KCNMA1: variants seen among roughly 807,000 people sequenced by gnomAD.
KCNMA1 encodes Calcium-activated potassium channel subunit alpha-1.
In KCNMA1, 29 loss-of-function variants were observed where a neutral mutation model predicts 140.0. The ratio of observed to expected loss-of-function variants is 0.21; its 90% confidence interval spans 0.15 to 0.28. KCNMA1 has a LOEUF of 0.28. Ranked by LOEUF, KCNMA1 falls within the 10% of genes least tolerant of loss-of-function variation. The pLI, the probability that KCNMA1 is intolerant of heterozygous loss-of-function variation, is 1.00. For missense variants in KCNMA1, 880 were observed against 1,602.2 expected, an observed-to-expected ratio of 0.55 and a Z score of 7.70; for synonymous variants, 612 against 611.9, an observed-to-expected ratio of 1.00 and a Z score of 0.00.
intron 1 of KCNMA1, among the ~76,000 whole-genome samples, chr10:77,420,110 G>A (rs2096835806): frequency 6.6e-6 from 1 of 152,248 alleles, no homozygotes; most frequent in African/African-American, 2.4e-5. Flanking sequence ...CAGTGAAAGA[G>A]TGGGTCTTCT....
chr10:76,966,001 T>G (rs1313379175), intron 20 of KCNMA1, among the ~76,000 whole-genome samples: 1 of 152,198 alleles, frequency 6.6e-6, no homozygotes, highest in African/African-American at 2.4e-5. Context: ...TTCTGTGTTT[T>G]TATGTGCTTG....
At chr10:76,933,559 C>T (rs1398941907) in intron 23 of KCNMA1, among the ~76,000 whole-genome samples, 3 of 152,234 alleles carry the variant, frequency 2.0e-5, no homozygotes, top group Admixed American at 6.5e-5. Flanking sequence ...CCTTCTGTTA[C>T]TCAGCTTCAG....
At chr10:77,356,944 T>A (rs953571851) in intron 2 of KCNMA1, among the ~76,000 whole-genome samples, 2 of 152,204 alleles carry the variant, frequency 1.3e-5, no homozygotes, top group African/African-American at 4.8e-5. Context: ...TGTATGTCTA[T>A]ATATAAAAGA....
At chr10:76,953,312 C>G (rs2066979272) in intron 21 of KCNMA1, among the ~76,000 whole-genome samples, 1 of 152,216 alleles carries the variant, frequency 6.6e-6, no homozygotes, top group African/African-American at 2.4e-5. Context: ...CAGCTTTCCT[C>G]ACAGCATTTA....
At chr10:77,148,197 A>G (rs988587935) in intron 5 of KCNMA1, 3 of 152,174 alleles carry the variant, frequency 2.0e-5, no homozygotes, top group Non-Finnish European at 4.4e-5. Context: ...GAGAGAAACA[A>G]CTAGGTTATG....
chr10:77,016,106 A>C (rs1293063650), intron 17 of KCNMA1, among the ~76,000 whole-genome samples: 1 of 152,004 alleles, frequency 6.6e-6, no homozygotes, highest in African/African-American at 2.4e-5. Context: ...CACTCTCCCC[A>C]AATCTATTCC....
In KCNMA1 at chr10:76,963,054, A is replaced by G. The variant is rs535451595; in HGVS notation, c.2360+6920T>C. Among the ~76,000 whole-genome samples, 9 of 152,336 alleles carry G rather than the reference A, an allele frequency of 5.9e-5. No homozygotes were observed. The South Asian group carries it at 1.9e-3, about 32-fold the overall frequency. On this transcript the variant is annotated intron_variant, in intron 20 of 27. Transcript: ENST00000286628. Reference sequence around the variant, plus strand: ...CCTAAATTATGTCTCTAACCAGTCAAGGCTGCCTGAAGTTCGCCTGGAGCC... The same window carrying G: ...CCTAAATTATGTCTCTAACCAGTCAGGGCTGCCTGAAGTTCGCCTGGAGCC...
intron 2 of KCNMA1, among the ~76,000 whole-genome samples, chr10:77,332,273 A>G (rs1438209606): frequency 1.3e-5 from 2 of 152,200 alleles, no homozygotes; most frequent in African/African-American, 4.8e-5. Context: ...GCTCTGAGTT[A>G]AGGAAACATT....
intron 1 of KCNMA1, among the ~76,000 whole-genome samples, chr10:77,406,616 C>T (rs1425383130): frequency 2.0e-5 from 3 of 152,110 alleles, no homozygotes; most frequent in Non-Finnish European, 4.4e-5. Context: ...CCTGACTACC[C>T]TAGTATGGCT....
intron 1 of KCNMA1, among the ~76,000 whole-genome samples, chr10:77,485,202 G>A (rs2098446643): frequency 6.6e-6 from 1 of 152,192 alleles, no homozygotes; most frequent in African/African-American, 2.4e-5. Context: ...GTATTTGTAT[G>A]CCCATCATGC....
At chr10:77,307,582 C>T (rs817672) in intron 2 of KCNMA1, among the ~76,000 whole-genome samples, 127,342 of 152,198 alleles carry the variant, frequency 0.84, 53,441 homozygotes, top group Middle Eastern at 0.9. Flanking sequence ...AGTCTCGTTC[C>T]GTCACCCAGG....
chr10:77,032,972 T>C (rs1336027004), intron 15 of KCNMA1, among the ~76,000 whole-genome samples: 1 of 152,118 alleles, frequency 6.6e-6, no homozygotes, highest in African/African-American at 2.4e-5. Flanking sequence ...AGAGGAGGTT[T>C]GGGGCTGTTG....
chr10:77,056,206 C>G (rs972176434), intron 14 of KCNMA1, among the ~76,000 whole-genome samples: 1 of 152,040 alleles, frequency 6.6e-6, no homozygotes, highest in Non-Finnish European at 1.5e-5. Context: ...ATGGCAAAAC[C>G]CTGTTTCTAC....
intron 2 of KCNMA1, among the ~76,000 whole-genome samples, chr10:77,284,841 C>T (rs2070165449): frequency 6.6e-6 from 1 of 152,020 alleles, no homozygotes; most frequent in Non-Finnish European, 1.5e-5. Context: ...AAATATTGAG[C>T]TAAATGCCAG....
intron 2 of KCNMA1, among the ~76,000 whole-genome samples, chr10:77,303,214 T>C (rs2076938908): frequency 6.6e-6 from 1 of 152,186 alleles, no homozygotes; most frequent in Non-Finnish European, 1.5e-5. Context: ...CCACCAGTAC[T>C]GTCTCACAGG....
chr10:77,152,158 G>A (rs1182583025), intron 5 of KCNMA1, among the ~76,000 whole-genome samples: 2 of 152,072 alleles, frequency 1.3e-5, no homozygotes, highest in Admixed American at 6.6e-5. Flanking sequence ...GGATAGCAAG[G>A]GGTACATAGC....
Position 76,999,624 on chromosome 10 carries a change from T to C in KCNMA1, c.2266+1783A>G, listed in dbSNP as rs180677406. Among the ~76,000 whole-genome samples the C allele has an allele frequency of 2.2e-3, 342 of 152,306 alleles. 6 individuals are homozygous for C. Among genetic ancestry groups the C allele is most frequent in the African/African-American group, 8.0e-3 (332 of 41,580 alleles). On this transcript the variant is annotated intron_variant, in intron 19 of 27. Coordinates refer to ENST00000286628, the MANE Select transcript of KCNMA1 (RefSeq NM_001161352.2). ...GCCCTAGCTTATCTCTGTAATGGCA[T>C]GCAAACTACAGATAACTCTTCAGGG...
intron 1 of KCNMA1, among the ~76,000 whole-genome samples, chr10:77,602,841 A>C (rs1244878127): frequency 6.6e-6 from 1 of 152,220 alleles, no homozygotes; most frequent in Non-Finnish European, 1.5e-5. Context: ...GAACATTCTC[A>C]GAGCATGTCC....
intron 1 of KCNMA1, among the ~76,000 whole-genome samples, chr10:77,538,166 AAC>A (rs1444975435): frequency 2.0e-5 from 3 of 151,418 alleles, no homozygotes; most frequent in Admixed American, 2.0e-4. Flanking sequence ...ACATACTCTA[AAC>A]ACACACACAT....
Sources: gnomAD v4.1 joint callset for allele counts (sites outside exome capture counted in the v4.1 genomes callset) on GRCh38, gnomAD v4.1.1 for gene constraint, MANE v1.5 for transcripts, NCBI Gene and HGNC (gene_info 2026-07-23, HGNC 2026-07-21) for gene names.